OTOGL: variants seen among roughly 807,000 people sequenced by gnomAD.
OTOGL encodes the protein otogelin-like protein.
Under a neutral mutation model 318.5 loss-of-function variants are expected in OTOGL, and 285 were observed. The observed-to-expected ratio is 0.89, with a 90% CI of 0.81 to 0.99. The LOEUF (loss-of-function observed/expected upper bound fraction) is 0.99. Among genes scored for constraint, OTOGL ranks in the 50% least tolerant of loss-of-function variants. The pLI is 0.00. For synonymous variants in OTOGL, 987 were observed against 936.5 expected, an observed-to-expected ratio of 1.05 and a Z score of -0.99; for missense variants, 2,899 against 2,845.6, an observed-to-expected ratio of 1.02 and a Z score of -0.43.
At chr12:80,302,325 A>T (rs536449101) in intron 27 of OTOGL, among the ~76,000 whole-genome samples, 2 of 152,316 alleles carry the variant, frequency 1.3e-5, no homozygotes, top group South Asian at 2.1e-4. Flanking sequence ...TTTGGCAGGG[A>T]TATCACTTAA....
intron 23 of OTOGL, 122 bp downstream of exon 23, chr12:80,270,276 C>A: frequency 1.3e-6 from 1 of 765,760 alleles, no homozygotes; most frequent in South Asian, 1.8e-5. Flanking sequence ...TGGGAATGTT[C>A]TTCAACATGG....
intron 9 of OTOGL, among the ~76,000 whole-genome samples, chr12:80,236,547 GT>G: frequency 6.6e-6 from 1 of 152,094 alleles, no homozygotes; most frequent in East Asian, 1.9e-4. Flanking sequence ...TAAAATTCGT[GT>G]GTAAGTATTG....
chr12:80,294,798 C>A (rs959779261), intron 26 of OTOGL, among the ~76,000 whole-genome samples: 7 of 152,140 alleles, frequency 4.6e-5, no homozygotes, highest in Non-Finnish European at 8.8e-5. Context: ...ATCAAGACCT[C>A]TATGATCATT....
At chr12:80,125,312 T>C (rs1592471866) in intron 1 of OTOGL, among the ~76,000 whole-genome samples, 1 of 152,350 alleles carries the variant, frequency 6.6e-6, no homozygotes, top group South Asian at 2.1e-4. Context: ...GCTTTTGTCA[T>C]TGGTTCTGTT....
chr12:80,140,151 A>T (rs951129865), intron 1 of OTOGL, among the ~76,000 whole-genome samples: 5 of 152,102 alleles, frequency 3.3e-5, no homozygotes, highest in Non-Finnish European at 5.9e-5. Context: ...TGACATTTCG[A>T]GTCTACCTCA....
chr12:80,194,803 C>G (rs1875939080), intron 1 of OTOGL, among the ~76,000 whole-genome samples: 1 of 151,868 alleles, frequency 6.6e-6, no homozygotes, highest in Non-Finnish European at 1.5e-5. Flanking sequence ...GCTTGTTTTC[C>G]TATTAGAAAT....
chr12:80,226,042 C>A (rs1359101651), intron 7 of OTOGL, among the ~76,000 whole-genome samples: 1 of 151,994 alleles, frequency 6.6e-6, no homozygotes, highest in Non-Finnish European at 1.5e-5. Context: ...ACTAATTTAG[C>A]TGTTTCTTCT....
intron 34 of OTOGL, among the ~76,000 whole-genome samples, chr12:80,322,466 C>T (rs1002202320): frequency 1.3e-4 from 20 of 152,270 alleles, no homozygotes; most frequent in Non-Finnish European, 2.4e-4. Context: ...AACCAGTCCT[C>T]TTTCAGGATG....
chr12:80,368,383 T>TC (rs57527553), intron 55 of OTOGL, 74 bp downstream of exon 55: 14,113 of 669,160 alleles, frequency 0.021, 8 homozygotes, highest in Middle Eastern at 0.031. Flanking sequence ...TTGGAAAATG[T>TC]CCCCCCCCAC....
At chr12:80,208,178 C>T in intron 1 of OTOGL, 1 of 515,420 alleles carries the variant, frequency 1.9e-6, no homozygotes, top group South Asian at 1.4e-5. Context: ...TCTGTTGGCT[C>T]ATGGAATTAG....
intron 1 of OTOGL, among the ~76,000 whole-genome samples, chr12:80,103,525 G>T (rs1376522606): frequency 1.3e-5 from 2 of 151,946 alleles, no homozygotes; most frequent in African/African-American, 4.8e-5. Context: ...GGCTAAATTG[G>T]ATCTGTTATA....
rs112626658 is a variant in OTOGL at position 80,258,316 on chromosome 12, C to T, written c.1889+314C>T. ...ACTGTTCCAGCTATTCTCTTCTCTGCCATCTACCAACCTTAACAGTATTTT... is the reference window on the plus strand; with the variant it reads ...ACTGTTCCAGCTATTCTCTTCTCTGTCATCTACCAACCTTAACAGTATTTT... On this transcript the variant is annotated intron_variant, in intron 18 of 58. Coordinates refer to ENST00000547103, the MANE Select transcript of OTOGL (RefSeq NM_001378609.3). 2.3e-3 allele frequency among the ~76,000 whole-genome samples: 349 copies of T among 152,116 alleles called. 4 individuals are homozygous for T. Among genetic ancestry groups the T allele is most frequent in the African/African-American group, 8.0e-3 (333 of 41,510 alleles).
At chr12:80,291,402 T>C (rs1885033186) in intron 26 of OTOGL, among the ~76,000 whole-genome samples, 1 of 152,216 alleles carries the variant, frequency 6.6e-6, no homozygotes, top group African/African-American at 2.4e-5. Flanking sequence ...TACGTTGGCT[T>C]TGTTGTAACT....
intron 26 of OTOGL, among the ~76,000 whole-genome samples, chr12:80,285,672 C>G (rs942286995): frequency 2.0e-5 from 3 of 151,836 alleles, no homozygotes; most frequent in African/African-American, 7.3e-5. Context: ...ATTTGGTTCT[C>G]TGTTTATTTT....
chr12:80,119,593 A>C (rs1335992889), intron 1 of OTOGL, among the ~76,000 whole-genome samples: 1 of 152,174 alleles, frequency 6.6e-6, no homozygotes, highest in Admixed American at 6.5e-5. Flanking sequence ...GAAAGTGCCT[A>C]ATGCCCTTAA....
chr12:80,278,492 A>G (rs752869429), intron 25 of OTOGL, among the ~76,000 whole-genome samples: 1 of 151,594 alleles, frequency 6.6e-6, no homozygotes, highest in Non-Finnish European at 1.5e-5. Flanking sequence ...AAACTGTGAA[A>G]CACAACAATC....
chr12:80,361,670 A>G (rs1159418023), intron 52 of OTOGL, among the ~76,000 whole-genome samples: 1 of 152,146 alleles, frequency 6.6e-6, no homozygotes, highest in Non-Finnish European at 1.5e-5. Context: ...GATAATGACC[A>G]TTCTAACAGG....
At chr12:80,217,955 T>C (rs959353915) in intron 5 of OTOGL, among the ~76,000 whole-genome samples, 2 of 152,182 alleles carry the variant, frequency 1.3e-5, no homozygotes, top group African/African-American at 4.8e-5. Context: ...TTGATCCCTG[T>C]TTTTTGTTAC....
chr12:80,117,415 T>A (rs1344787105), intron 1 of OTOGL, among the ~76,000 whole-genome samples: 1 of 152,196 alleles, frequency 6.6e-6, no homozygotes, highest in Non-Finnish European at 1.5e-5. Context: ...TATTTCTTAC[T>A]CTGCAATCAC....
Sources: allele counts gnomAD v4.1 joint callset (sites outside exome capture counted in the v4.1 genomes callset), GRCh38; gene constraint gnomAD v4.1.1; transcripts MANE v1.5; gene names NCBI Gene and HGNC (gene_info 2026-07-23, HGNC 2026-07-21).